POLE4: variants seen among roughly 807,000 people sequenced by gnomAD.
POLE4 encodes the protein DNA polymerase epsilon 4, accessory subunit, also known as DNA polymerase epsilon subunit 4.
In POLE4, 15 loss-of-function variants were observed where a neutral mutation model predicts 15.6. That is an observed-to-expected ratio of 0.96 (90% CI 0.64 to 1.48). The LOEUF is 1.48. Among genes scored for constraint, POLE4 ranks in the 40% most tolerant of loss-of-function variants. The pLI is 0.00. For missense variants in POLE4, 205 were observed against 151.9 expected, an observed-to-expected ratio of 1.35 and a Z score of -1.84; for synonymous variants, 83 against 63.2, an observed-to-expected ratio of 1.31 and a Z score of -1.49.
At position 74,962,041 on chromosome 2, in the gene POLE4, G is replaced by C. The variant is rs921678565; in HGVS notation, c.340+1895G>C. On this transcript the variant is annotated intron_variant, in intron 3 of 3. Coordinates refer to ENST00000483063, the MANE Select transcript of POLE4 (RefSeq NM_019896.4). ...TGTTTTGAGCTTTTCTGGTGGTTAC[G>C]TTTATTTCTAACTAATATGCTTACC... Among the ~76,000 whole-genome samples, 17 of 152,250 alleles carry C rather than the reference G, an allele frequency of 1.1e-4. No individual in the cohort carries two copies. In the East Asian group the frequency reaches 1.7e-3, roughly 16 times the overall value.
In POLE4 at chr2:74,958,797, A is replaced by G. The variant is rs751961431; in HGVS notation, c.118A>G (p.Arg40Gly). 1 of 1,552,764 alleles carries G rather than the reference A, an allele frequency of 6.4e-7. No individual in the cohort carries two copies. Among genetic ancestry groups the G allele is most frequent in the South Asian group, 1.2e-5 (1 of 84,218 alleles). ...GAGTGTGCCTGGGGCTCGTCTCTCGAGGTTGCCTCTGGCGCGAGTGAAGGC... is the reference window on the plus strand; with the variant it reads ...GAGTGTGCCTGGGGCTCGTCTCTCGGGGTTGCCTCTGGCGCGAGTGAAGGC... The part of the protein sequence containing the change: ...PTSVPGARLS[R>G]LPLARVKALV... Residue 40 changes from arginine to glycine, a missense_variant, in exon 1 of 4, where the codon AGG (arginine) becomes GGG (glycine). Arg to Gly is a moderately radical substitution (Grantham distance 125). Transcript: ENST00000483063.
At chr2:74,960,029 C>T (rs1671192656) in intron 2 of POLE4, 76 bp from the exon 3 acceptor site, 6 of 1,257,890 alleles carry the variant, frequency 4.8e-6, no homozygotes, top group African/African-American at 1.5e-5. Flanking sequence ...ATGCCCTTCA[C>T]TGCAGATTGT....
intron 3 of POLE4, among the ~76,000 whole-genome samples, chr2:74,967,541 A>G (rs1365188729): frequency 6.6e-6 from 1 of 152,108 alleles, no homozygotes; most frequent in African/African-American, 2.4e-5. Flanking sequence ...GTTCCATCCA[A>G]TATATGACCT....
At chr2:74,966,858 A>G (rs1230142518) in intron 3 of POLE4, among the ~76,000 whole-genome samples, 1 of 151,902 alleles carries the variant, frequency 6.6e-6, no homozygotes, top group South Asian at 2.1e-4. Context: ...AATTTGTTGA[A>G]TATAAATTCT....
chr2:74,963,266 C>T (rs959726777), intron 3 of POLE4, among the ~76,000 whole-genome samples: 2 of 152,172 alleles, frequency 1.3e-5, no homozygotes, highest in African/African-American at 4.8e-5. Flanking sequence ...CCCATTGCTT[C>T]TCATTCTTAC....
chr2:74,962,074 T>G (rs975426724), intron 3 of POLE4, among the ~76,000 whole-genome samples: 1 of 152,196 alleles, frequency 6.6e-6, no homozygotes, highest in Non-Finnish European at 1.5e-5. Context: ...ACCCATTGGT[T>G]TGTCAGCTGT....
rs537331243 is a variant in POLE4 at position 74,958,878 on chromosome 2, C to G, written c.199C>G (p.Leu67Val). 3 of 1,557,122 alleles carry G rather than the reference C, an allele frequency of 1.9e-6. No homozygotes were observed. The African/African-American group carries it at 4.1e-5, about 21-fold the overall frequency. ...AGCGGGACAGGAAGCCATCTTCATT[C>G]TGGCACGAGCCGCGGTGCGCCTGCA... is the stretch of plus-strand genomic sequence containing the variant. ...TLAGQEAIFI[L>V]ARAAELFVET... Residue 67 changes from leucine to valine, a missense_variant, in exon 1 of 4, where the codon CTG becomes GTG. Transcript: ENST00000483063.
rs1178412444 is a variant in POLE4, at chr2:74,960,160, CA to C, written c.340+15del. The C allele has an allele frequency of 6.2e-7, 1 of 1,603,006 alleles. No homozygotes were observed. Among genetic ancestry groups the C allele is most frequent in the South Asian group, 1.1e-5 (1 of 90,862 alleles). On this transcript the variant is annotated intron_variant, in intron 3 of 3. Transcript: ENST00000483063. ...CTTTTCTGGAAGGTGAGTTCCCTCT[CA>C]GTGGGCAATCATTTCCGCCTGTCTT... is the stretch of plus-strand genomic sequence containing the variant.
At position 74,958,924 on chromosome 2, in the gene POLE4, G is replaced by A. The variant is rs747767705; in HGVS notation, c.213+32G>A. Reference sequence around the variant, plus strand: ...CTGCAGCGCGAGGGCATGCGGGAGTGGGGGAGGTGGAGTGTGGGGCGGGGC... The same window carrying A: ...CTGCAGCGCGAGGGCATGCGGGAGTAGGGGAGGTGGAGTGTGGGGCGGGGC... On this transcript the variant is annotated intron_variant, in intron 1 of 3. Transcript: ENST00000483063. 119 of 1,539,998 alleles carry A rather than the reference G, an allele frequency of 7.7e-5. 1 individual carries two copies. Among genetic ancestry groups the A allele is most frequent in the South Asian group, 6.1e-4 (51 of 83,534 alleles).
chr2:74,960,256 C>A (rs1671196495), intron 3 of POLE4, 110 bp downstream of exon 3: 4 of 909,388 alleles, frequency 4.4e-6, no homozygotes, highest in Admixed American at 1.8e-5. Flanking sequence ...AGGGATAATT[C>A]TCCGCACTTG....
chr2:74,958,761 C>G lies in POLE4; in HGVS notation c.82C>G (p.Gln28Glu). ...TGGGGAGGCAGCGGCCTCGCAGCCC[C>G]AGGCCCCAACGAGTGTGCCTGGGGC... ...PAGEAAASQP[Q>E]APTSVPGARL... The change falls in exon 1 of 4, where the codon CAG becomes GAG. Residue 28 changes from glutamine (Q) to glutamate (E), a missense_variant. Gln to Glu is a conservative substitution (Grantham distance 29). Coordinates refer to ENST00000483063, the MANE Select transcript of POLE4 (RefSeq NM_019896.4). 1 of 1,541,120 alleles carries G rather than the reference C, an allele frequency of 6.5e-7. No individual in the cohort carries two copies. The highest frequency in any genetic ancestry group is 1.7e-4 in the Middle Eastern group (1 of 5,960).
At chr2:74,967,784 A>C (rs758681857) in intron 3 of POLE4, among the ~76,000 whole-genome samples, 6 of 152,242 alleles carry the variant, frequency 3.9e-5, no homozygotes, top group Non-Finnish European at 8.8e-5. Flanking sequence ...TTGCTCCTGA[A>C]GCCACCTACA....
At chr2:74,969,288 T>G in intron 3 of POLE4, 121 bp from the exon 4 acceptor site, 2 of 858,912 alleles carry the variant, frequency 2.3e-6, no homozygotes, top group South Asian at 1.3e-5. Context: ...AAAATTAGTA[T>G]TTTGGTCTTA....
chr2:74,959,001 A>G lies in POLE4; in HGVS notation c.213+109A>G, dbSNP rs994013721. The G allele has an allele frequency of 1.2e-5, 12 of 1,027,002 alleles. No individual in the cohort carries two copies. In the South Asian group the frequency reaches 1.8e-4, roughly 15 times the overall value. 63.6% of individuals were successfully genotyped at this position (1,027,002 alleles called of 1,614,324 possible). On this transcript the variant is annotated intron_variant, in intron 1 of 3. Coordinates refer to ENST00000483063, the MANE Select transcript of POLE4 (RefSeq NM_019896.4). Reference sequence around the variant, plus strand: ...AGGGCGGCGTGGCCCGGGTTTTGAGATGTGGGCGTGGACCCGGAAGGCGGA... The same window carrying G: ...AGGGCGGCGTGGCCCGGGTTTTGAGGTGTGGGCGTGGACCCGGAAGGCGGA...
rs372257825 is a variant in POLE4 at position 74,959,437 on chromosome 2, C to T, written c.298+12C>T. On this transcript the variant is annotated intron_variant, in intron 2 of 3. Transcript: ENST00000483063. ...GAGGAGAGACTTGGGTAGAGTGGCA[C>T]TGCAGTGTCTGGGGACAGACAAGGG... The T allele has an allele frequency of 2.5e-5, 39 of 1,563,258 alleles. No individual in the cohort carries two copies. The African/African-American group carries it at 4.2e-4, about 17-fold the overall frequency.
intron 3 of POLE4, among the ~76,000 whole-genome samples, chr2:74,962,103 T>C (rs1671228207): frequency 6.6e-6 from 1 of 152,224 alleles, no homozygotes; most frequent in Non-Finnish European, 1.5e-5. Context: ...TGTATTGACT[T>C]CCTGCTGTGA....
intron 3 of POLE4, chr2:74,961,343 A>G (rs1423012908): frequency 2.0e-5 from 3 of 152,096 alleles, no homozygotes; most frequent in Non-Finnish European, 4.4e-5. Flanking sequence ...GGCCAACTCT[A>G]TGTCTAGACT....
intron 2 of POLE4, 87 bp downstream of exon 2, chr2:74,959,512 T>A: frequency 1.2e-6 from 1 of 817,278 alleles, no homozygotes; most frequent in Middle Eastern, 2.9e-4. Flanking sequence ...GTCACTCTGA[T>A]CTGAGAGGTG....
chr2:74,962,733 C>T (rs1213509706), intron 3 of POLE4, among the ~76,000 whole-genome samples: 1 of 152,192 alleles, frequency 6.6e-6, no homozygotes. Flanking sequence ...CAGAGTCCCA[C>T]GTATATTCAT....
Sources: gnomAD v4.1 joint callset for allele counts (sites outside exome capture counted in the v4.1 genomes callset) on GRCh38, gnomAD v4.1.1 for gene constraint, MANE v1.5 for transcripts, NCBI Gene and HGNC (gene_info 2026-07-23, HGNC 2026-07-21) for gene names.